Variants in DMD observed in about 807,000 individuals in gnomAD.
DMD encodes dystrophin, also known as mutant dystrophin.
DMD carries 63 observed loss-of-function variants against 330.1 expected under a neutral mutation model. The observed-to-expected ratio is 0.19, with a 90% CI of 0.16 to 0.24. DMD has a LOEUF of 0.24. Ranked by LOEUF, DMD falls within the 10% of genes least tolerant of loss-of-function variation. The probability of loss-of-function intolerance (pLI) is 1.00; values close to 1 mark genes in which losing one functional copy is unlikely to be tolerated. For synonymous variants in DMD, 1,223 were observed against 959.8 expected, an observed-to-expected ratio of 1.27 and a Z score of -5.07; for missense variants, 3,344 against 2,684.1, an observed-to-expected ratio of 1.25 and a Z score of -5.43.
chrX:33,111,481 C>G (rs759206626), intron 1 of DMD, among the ~76,000 whole-genome samples: 23 of 112,270 alleles, frequency 2.0e-4, no homozygotes, highest in African/African-American at 6.8e-4. Context: ...AATTTTTCAG[C>G]TTTCAGTGTT....
chrX:32,788,724 C>T (rs1287416622), intron 7 of DMD, among the ~76,000 whole-genome samples: 3 of 97,213 alleles, frequency 3.1e-5, no homozygotes, highest in Non-Finnish European at 1.9e-5. Context: ...GCATTAATAT[C>T]AGAGATCATA....
intron 63 of DMD, among the ~76,000 whole-genome samples, chrX:31,254,094 T>C (rs1026444186): frequency 8.9e-6 from 1 of 111,863 alleles, no homozygotes; most frequent in Non-Finnish European, 1.9e-5. Flanking sequence ...AAAAGGAAAT[T>C]GGAATAAGTA....
chrX:32,151,038 G>T (rs1390930878), intron 44 of DMD, among the ~76,000 whole-genome samples: 1 of 111,307 alleles, frequency 9.0e-6, no homozygotes, highest in African/African-American at 3.3e-5. Context: ...ACTCCATCCT[G>T]TTTCATTTGT....
At chrX:32,440,056 A>C (rs1357509216) in intron 28 of DMD, among the ~76,000 whole-genome samples, 1 of 111,526 alleles carries the variant, frequency 9.0e-6, no homozygotes, top group African/African-American at 3.2e-5. Context: ...AAACTGTGAG[A>C]GCAAGAATTT....
intron 4 of DMD, among the ~76,000 whole-genome samples, chrX:32,828,736 A>C (rs147768706): frequency 0.013 from 1,487 of 110,466 alleles, 26 homozygotes; most frequent in African/African-American, 0.047. Flanking sequence ...ACAATTTAGA[A>C]TTACATATTT....
At chrX:31,414,608 C>A (rs1376554897) in intron 60 of DMD, among the ~76,000 whole-genome samples, 3 of 112,117 alleles carry the variant, frequency 2.7e-5, no homozygotes, top group Admixed American at 9.5e-5. Context: ...ACGCCGCTAT[C>A]TAAAATTAAA....
chrX:32,809,312 A>C (rs1393253506), intron 7 of DMD, among the ~76,000 whole-genome samples, 181 bp downstream of exon 7: 2 of 112,065 alleles, frequency 1.8e-5, no homozygotes, highest in African/African-American at 3.2e-5. Context: ...TATTTTGAGA[A>C]CTAGAATTAA....
intron 42 of DMD, among the ~76,000 whole-genome samples, chrX:32,289,744 T>C (rs2097458707): frequency 1.8e-5 from 2 of 111,412 alleles, no homozygotes; most frequent in Non-Finnish European, 1.9e-5. Context: ...CATGGCAATG[T>C]CAAGAAGTTA....
At chrX:31,814,874 A>G (rs1319261845) in intron 50 of DMD, among the ~76,000 whole-genome samples, 1 of 112,203 alleles carries the variant, frequency 8.9e-6, no homozygotes, top group Non-Finnish European at 1.9e-5. Flanking sequence ...TCATCCAGGA[A>G]CACTGAACAG....
At chrX:31,904,485 G>C (rs1309591997) in intron 47 of DMD, among the ~76,000 whole-genome samples, 1 of 111,766 alleles carries the variant, frequency 8.9e-6, no homozygotes, top group Non-Finnish European at 1.9e-5. Context: ...CTCCAATTAG[G>C]CTACATAAGA....
chrX:32,014,180 C>T (rs2095740317), intron 44 of DMD, among the ~76,000 whole-genome samples: 2 of 111,984 alleles, frequency 1.8e-5, no homozygotes, highest in Admixed American at 9.5e-5. Flanking sequence ...GTGTATGTAA[C>T]ATGAATCAAA....
At chrX:32,743,808 T>C (rs1417148678) in intron 7 of DMD, among the ~76,000 whole-genome samples, 2 of 111,608 alleles carry the variant, frequency 1.8e-5, no homozygotes, top group Non-Finnish European at 3.8e-5. Context: ...CCATTACTTA[T>C]ACAACTAAAT....
intron 17 of DMD, among the ~76,000 whole-genome samples, chrX:32,542,203 G>A (rs2048549457): frequency 9.0e-6 from 1 of 111,442 alleles, no homozygotes; most frequent in African/African-American, 3.3e-5. Context: ...GGCTGAAGTG[G>A]GTGGATCACG....
At chrX:33,019,040 C>A (rs572449067) in intron 2 of DMD, among the ~76,000 whole-genome samples, 11 of 111,688 alleles carry the variant, frequency 9.8e-5, no homozygotes, top group Non-Finnish European at 3.8e-5. Flanking sequence ...TACATGGCAA[C>A]ATTCTACTAC....
intron 44 of DMD, among the ~76,000 whole-genome samples, chrX:32,058,065 T>C (rs901297291): frequency 4.5e-5 from 5 of 110,859 alleles, no homozygotes. Flanking sequence ...AAACTATACA[T>C]AAAAATCAAC....
At chrX:31,629,256 C>G (rs898906597) in intron 54 of DMD, among the ~76,000 whole-genome samples, 1 of 111,771 alleles carries the variant, frequency 8.9e-6, no homozygotes, top group African/African-American at 3.2e-5. Context: ...TCAGCAGCAA[C>G]TTTATCATGG....
chrX:32,573,705 C>T, intron 14 of DMD, 40 bp downstream of exon 14: 9 of 1,190,892 alleles, frequency 7.6e-6, no homozygotes, highest in Non-Finnish European at 9.1e-6. Flanking sequence ...TTTAATATCC[C>T]CCCGTGTCTT....
intron 44 of DMD, among the ~76,000 whole-genome samples, chrX:32,011,379 A>T (rs1305392835): frequency 8.1e-5 from 9 of 111,329 alleles, no homozygotes; most frequent in African/African-American, 2.9e-4. Context: ...TGCCTCACAC[A>T]GGTCAGTTGT....
chrX:32,635,324 T>C (rs1444284963), intron 11 of DMD, among the ~76,000 whole-genome samples: 2 of 111,263 alleles, frequency 1.8e-5, no homozygotes, highest in African/African-American at 3.3e-5. Flanking sequence ...ATGCACCTAA[T>C]TTTTCACTCT....
Sources: allele counts gnomAD v4.1 joint callset (sites outside exome capture counted in the v4.1 genomes callset), GRCh38; gene constraint gnomAD v4.1.1; transcripts MANE v1.5; gene names NCBI Gene and HGNC (gene_info 2026-07-23, HGNC 2026-07-21).